The following LAMA2 variants were observed in gnomAD, a reference collection of about 807,000 sequenced individuals.
The protein encoded by LAMA2 is laminin subunit alpha-2.
Under a neutral mutation model 364.8 loss-of-function variants are expected in LAMA2, and 269 were observed. The ratio of observed to expected loss-of-function variants is 0.74; its 90% CI spans 0.67 to 0.82. The LOEUF is 0.82. LAMA2 is among the 40% of genes least tolerant of loss of function. The pLI is 0.00. For missense variants in LAMA2, 3,807 were observed against 3,873.2 expected (o/e 0.98, Z 0.45); for synonymous variants, 1,379 against 1,370.6 (o/e 1.01, Z -0.14).
At chr6:129,088,048 C>T (rs573081068) in intron 3 of LAMA2, among the ~76,000 whole-genome samples, 2 of 55,456 alleles carry the variant, frequency 3.6e-5, no homozygotes, top group African/African-American at 7.3e-5. Context: ...TGCGGCCTTC[C>T]GCCGTGTTTG....
At chr6:128,959,323 T>G (rs1247133608) in intron 1 of LAMA2, among the ~76,000 whole-genome samples, 1 of 152,212 alleles carries the variant, frequency 6.6e-6, no homozygotes, top group Non-Finnish European at 1.5e-5. Context: ...TGTAGCTTCC[T>G]TAGAAAGAGT....
chr6:129,475,916 A>G (rs1784047001), intron 53 of LAMA2, among the ~76,000 whole-genome samples: 1 of 152,162 alleles, frequency 6.6e-6, no homozygotes, highest in Non-Finnish European at 1.5e-5. Context: ...ACCTCTTGTC[A>G]AAGCTGTTTA....
intron 45 of LAMA2, among the ~76,000 whole-genome samples, chr6:129,448,916 C>T (rs1237647767): frequency 1.3e-5 from 2 of 152,078 alleles, no homozygotes; most frequent in Admixed American, 1.3e-4. Context: ...TCTAGAGATA[C>T]AGTATTTTGA....
At chr6:129,502,633 GT>G in intron 58 of LAMA2, 25 bp from the exon 59 acceptor site, 3 of 1,446,676 alleles carry the variant, frequency 2.1e-6, no homozygotes, top group Non-Finnish European at 2.9e-6. Flanking sequence ...ATAATCTCCT[GT>G]TTTTCTCTCC....
intron 20 of LAMA2, chr6:129,292,899 T>A: frequency 8.1e-6 from 8 of 985,878 alleles, no homozygotes; most frequent in Non-Finnish European, 8.4e-6. Context: ...TACAGGAAGA[T>A]GTGTCTGTAA....
At chr6:129,345,382 G>A (rs1776491117) in intron 30 of LAMA2, among the ~76,000 whole-genome samples, 1 of 152,144 alleles carries the variant, frequency 6.6e-6, no homozygotes, top group African/African-American at 2.4e-5. Context: ...AGTCATTGAT[G>A]AATTTTGACC....
chr6:128,984,625 G>T (rs746776957), intron 1 of LAMA2, among the ~76,000 whole-genome samples: 5 of 150,492 alleles, frequency 3.3e-5, no homozygotes, highest in Non-Finnish European at 7.4e-5. Flanking sequence ...GAAGAAACAA[G>T]GTTCTTTTGT....
intron 4 of LAMA2, among the ~76,000 whole-genome samples, chr6:129,135,703 GT>G (rs1267506379): frequency 6.6e-6 from 1 of 152,184 alleles, no homozygotes; most frequent in Non-Finnish European, 1.5e-5. Flanking sequence ...TCCTTCTGGT[GT>G]TTTTCTCTAA....
intron 12 of LAMA2, among the ~76,000 whole-genome samples, chr6:129,205,491 TATACAC>T (rs1377395630): frequency 1.7e-3 from 207 of 123,072 alleles, no homozygotes; most frequent in Non-Finnish European, 2.9e-3. Flanking sequence ...TATATATATA[TATACAC>T]ACACACACAC....
At chr6:129,177,553 C>G (rs1008549664) in intron 9 of LAMA2, among the ~76,000 whole-genome samples, 153 bp from the exon 10 acceptor site, 2 of 152,086 alleles carry the variant, frequency 1.3e-5, no homozygotes, top group Admixed American at 1.3e-4. Context: ...ATTAAACCCT[C>G]TACTCTTTGG....
At chr6:129,348,196 A>T (rs141117505) in intron 30 of LAMA2, among the ~76,000 whole-genome samples, 2 of 152,236 alleles carry the variant, frequency 1.3e-5, no homozygotes, top group African/African-American at 2.4e-5. Flanking sequence ...GTTTGTGAGT[A>T]GTAGATCAAT....
chr6:129,141,829 C>T (rs1778137666), intron 4 of LAMA2, among the ~76,000 whole-genome samples: 1 of 152,006 alleles, frequency 6.6e-6, no homozygotes, highest in African/African-American at 2.4e-5. Context: ...CCACTTCCTG[C>T]ATCCCTGTAC....
intron 3 of LAMA2, among the ~76,000 whole-genome samples, chr6:129,064,341 C>T (rs1789141392): frequency 7.1e-6 from 1 of 141,436 alleles, no homozygotes; most frequent in Admixed American, 7.3e-5. Flanking sequence ...AATTAACAAC[C>T]TAAGGTTACA....
intron 1 of LAMA2, among the ~76,000 whole-genome samples, chr6:129,020,480 C>T (rs1032292907): frequency 2.0e-5 from 3 of 151,958 alleles, no homozygotes; most frequent in Non-Finnish European, 2.9e-5. Context: ...TCTGGAGATA[C>T]GGAAGGAAGG....
intron 4 of LAMA2, among the ~76,000 whole-genome samples, chr6:129,138,176 T>G (rs1777913826): frequency 6.6e-6 from 1 of 151,772 alleles, no homozygotes; most frequent in Admixed American, 6.6e-5. Flanking sequence ...AGTGAATGAG[T>G]GATAGACTGA....
At chr6:129,242,320 C>T (rs1314055598) in intron 12 of LAMA2, among the ~76,000 whole-genome samples, 1 of 152,076 alleles carries the variant, frequency 6.6e-6, no homozygotes, top group African/African-American at 2.4e-5. Flanking sequence ...TTGCTGATAT[C>T]TCTTTGTTAC....
chr6:129,401,110 A>G (rs550453810), intron 37 of LAMA2, 114 bp from the exon 38 acceptor site: 4 of 789,400 alleles, frequency 5.1e-6, no homozygotes, highest in Non-Finnish European at 6.9e-6. Flanking sequence ...ACATTTCAAC[A>G]TGATGTACCT....
intron 21 of LAMA2, 147 bp from the exon 22 acceptor site, chr6:129,300,589 G>A (rs1317127158): frequency 1.3e-6 from 1 of 764,930 alleles, no homozygotes; most frequent in East Asian, 2.6e-5. Flanking sequence ...TATAAAAGAT[G>A]AATGAAGTAA....
chr6:129,406,680 T>C (rs1215738686), intron 40 of LAMA2, among the ~76,000 whole-genome samples: 1 of 152,198 alleles, frequency 6.6e-6, no homozygotes, highest in Non-Finnish European at 1.5e-5. Flanking sequence ...CATAGTAAAC[T>C]CAAAGCCTAC....
Sources: allele counts gnomAD v4.1 joint callset (sites outside exome capture counted in the v4.1 genomes callset), GRCh38; gene constraint gnomAD v4.1.1; transcripts MANE v1.5; gene names NCBI Gene and HGNC (gene_info 2026-07-23, HGNC 2026-07-21).